CDIN1: variants seen among roughly 807,000 people sequenced by gnomAD.
CDIN1 encodes the protein CDAN1-interacting nuclease 1.
Under a neutral mutation model 45.3 loss-of-function variants are expected in CDIN1, and 33 were observed. The ratio of observed to expected loss-of-function variants is 0.73; its 90% CI spans 0.55 to 0.97. CDIN1 has a LOEUF of 0.97. Ranked by LOEUF, CDIN1 falls within the 50% of genes least tolerant of loss-of-function variation. The probability of loss-of-function intolerance (pLI) is 0.00; values close to 1 mark genes in which losing one functional copy is unlikely to be tolerated. For missense variants in CDIN1, 303 were observed against 339.4 expected (o/e 0.89, Z 0.84); for synonymous variants, 118 against 124.4 (o/e 0.95, Z 0.34).
intron 1 of CDIN1, among the ~76,000 whole-genome samples, chr15:36,597,670 A>G (rs1049885836): frequency 5.9e-5 from 9 of 152,250 alleles, no homozygotes; most frequent in African/African-American, 2.2e-4. Context: ...GCAGTATGAT[A>G]GAACCTTCAG....
intron 10 of CDIN1, among the ~76,000 whole-genome samples, chr15:36,742,762 G>A (rs2140944562): frequency 6.6e-6 from 1 of 152,260 alleles, no homozygotes; most frequent in African/African-American, 2.4e-5. Context: ...CATTAAACTG[G>A]TACCTTGTGC....
intron 1 of CDIN1, among the ~76,000 whole-genome samples, chr15:36,585,107 A>G (rs1183704184): frequency 2.0e-5 from 3 of 152,182 alleles, no homozygotes; most frequent in Non-Finnish European, 4.4e-5. Context: ...CTGCCCAAAC[A>G]CTACATATAT....
chr15:36,695,434 A>G (rs921173025), intron 7 of CDIN1, among the ~76,000 whole-genome samples: 2 of 152,154 alleles, frequency 1.3e-5, no homozygotes, highest in Admixed American at 6.6e-5. Flanking sequence ...GGGCAATCTC[A>G]TCTGTTTGGA....
Position 36,596,373 on chromosome 15 carries a change from C to T in CDIN1, c.101+16412C>T, listed in dbSNP as rs2037835158. Among the ~76,000 whole-genome samples, 3 of 151,808 alleles carry T rather than the reference C, an allele frequency of 2.0e-5. No individual in the cohort carries two copies. The South Asian group carries it at 6.2e-4, about 31-fold the overall frequency. On this transcript the variant is annotated intron_variant, in intron 1 of 10. Transcript: ENST00000566621. ...TTTGCCAAATTTATGGATAGAAAGA[C>T]TCCATTTTAAATTACTTTGTGTTTT...
chr15:36,756,711 T>G (rs1386055860), intron 10 of CDIN1, among the ~76,000 whole-genome samples: 2 of 152,210 alleles, frequency 1.3e-5, no homozygotes, highest in Non-Finnish European at 2.9e-5. Context: ...ATCGAATTGT[T>G]TATGACAAGA....
At chr15:36,763,580 C>A (rs768649659) in intron 10 of CDIN1, among the ~76,000 whole-genome samples, 2 of 152,152 alleles carry the variant, frequency 1.3e-5, no homozygotes, top group African/African-American at 2.4e-5. Context: ...TGCACTACCA[C>A]AAGCCAGAAG....
chr15:36,786,933 C>T (rs1011948909), intron 10 of CDIN1, among the ~76,000 whole-genome samples: 1 of 152,076 alleles, frequency 6.6e-6, no homozygotes, highest in Non-Finnish European at 1.5e-5. Flanking sequence ...CTGTTGATGC[C>T]TGTCTGCCGG....
chr15:36,711,718 G>A (rs2043062783), intron 10 of CDIN1, among the ~76,000 whole-genome samples: 1 of 152,164 alleles, frequency 6.6e-6, no homozygotes, highest in Non-Finnish European at 1.5e-5. Flanking sequence ...GGGAATGTTA[G>A]CCTTGGTTTT....
intron 1 of CDIN1, among the ~76,000 whole-genome samples, chr15:36,597,607 T>G (rs2037899193): frequency 6.6e-6 from 1 of 152,240 alleles, no homozygotes; most frequent in Non-Finnish European, 1.5e-5. Flanking sequence ...TTTACTATTT[T>G]TTATATTGAA....
chr15:36,801,235 C>G (rs1269957130), intron 10 of CDIN1, among the ~76,000 whole-genome samples: 1 of 151,732 alleles, frequency 6.6e-6, no homozygotes, highest in Admixed American at 6.6e-5. Context: ...AGTATTAGGT[C>G]AATTTCAGCA....
rs1048695691 is a variant in CDIN1 at position 36,617,349 on chromosome 15, A to G, written c.102-26929A>G. On this transcript the variant is annotated intron_variant, in intron 1 of 10. Transcript: ENST00000566621. ...CAAGAAATACTACAGGCATTGAAGA[A>G]TCAACTGATGGGATGATTTTAGGAC... The G allele has an allele frequency of 3.9e-6, 6 of 1,550,060 alleles. No individual in the cohort carries two copies. In the Middle Eastern group the frequency reaches 5.1e-4, roughly 131 times the overall value.
chr15:36,618,936 C>T (rs2039025559), intron 1 of CDIN1: 1 of 1,542,062 alleles, frequency 6.5e-7, no homozygotes, highest in African/African-American at 1.4e-5. Context: ...TACAGGAACC[C>T]TGAAAGTTAA....
chr15:36,722,417 C>A (rs533092462), intron 10 of CDIN1, among the ~76,000 whole-genome samples: 87 of 151,748 alleles, frequency 5.7e-4, no homozygotes, highest in African/African-American at 1.9e-3. Flanking sequence ...CAACTTTATG[C>A]CCAGCAAAAG....
chr15:36,714,280 A>G (rs1473845400), intron 10 of CDIN1, among the ~76,000 whole-genome samples: 4 of 152,158 alleles, frequency 2.6e-5, no homozygotes, highest in Admixed American at 6.6e-5. Flanking sequence ...CTAAATGACA[A>G]ATGCACTTTA....
At chr15:36,705,244 G>A (rs541767551) in intron 8 of CDIN1, 1 of 152,120 alleles carries the variant, frequency 6.6e-6, no homozygotes, top group Non-Finnish European at 1.5e-5. Context: ...ATAAATTGGA[G>A]AGAGGACCAT....
chr15:36,767,167 C>G (rs2053948462), intron 10 of CDIN1, among the ~76,000 whole-genome samples: 1 of 65,054 alleles, frequency 1.5e-5, no homozygotes, highest in Non-Finnish European at 4.1e-5. Flanking sequence ...TCCAATTTTC[C>G]CAGCAGTTAA....
At chr15:36,807,268 T>C (rs1440065110) in intron 10 of CDIN1, among the ~76,000 whole-genome samples, 3 of 152,194 alleles carry the variant, frequency 2.0e-5, no homozygotes, top group South Asian at 4.1e-4. Flanking sequence ...AAAAGCTTTT[T>C]GGCCTAGCAT....
intron 1 of CDIN1, among the ~76,000 whole-genome samples, chr15:36,587,613 G>C (rs777610568): frequency 6.6e-6 from 1 of 152,026 alleles, no homozygotes; most frequent in Non-Finnish European, 1.5e-5. Context: ...ATTGGTTATG[G>C]TTGTCTTTTT....
At chr15:36,795,926 C>A (rs1339549084) in intron 10 of CDIN1, among the ~76,000 whole-genome samples, 1 of 152,162 alleles carries the variant, frequency 6.6e-6, no homozygotes, top group Non-Finnish European at 1.5e-5. Context: ...TGCTCTCTAG[C>A]TCAAAGAAAC....
Sources: allele counts gnomAD v4.1 joint callset (sites outside exome capture counted in the v4.1 genomes callset), GRCh38; gene constraint gnomAD v4.1.1; transcripts MANE v1.5; gene names NCBI Gene and HGNC (gene_info 2026-07-23, HGNC 2026-07-21).